CECR2: variants seen among roughly 807,000 people sequenced by gnomAD.
CECR2 encodes the protein chromatin remodeling regulator CECR2.
CECR2 carries 30 observed loss-of-function variants against 154.5 expected under a neutral mutation model. The ratio of observed to expected loss-of-function variants is 0.19; its 90% confidence interval spans 0.15 to 0.26. The LOEUF (loss-of-function observed/expected upper bound fraction) is 0.26, where lower values mean the gene tolerates loss of function less well. Ranked by LOEUF, CECR2 falls within the 10% of genes least tolerant of loss-of-function variation. The pLI is 1.00. For synonymous variants in CECR2, 725 were observed against 683.7 expected, an observed-to-expected ratio of 1.06 and a Z score of -0.94; for missense variants, 1,743 against 1,829.3, an observed-to-expected ratio of 0.95 and a Z score of 0.86.
At chr22:17,543,977 C>A (rs914031188) in intron 16 of CECR2, among the ~76,000 whole-genome samples, 2 of 152,196 alleles carry the variant, frequency 1.3e-5, no homozygotes, top group Admixed American at 1.3e-4. Flanking sequence ...TCTCAGCCAG[C>A]TAGTAAGTAG....
In CECR2 at chr22:17,503,630, T is replaced by C. The variant is rs552501763; in HGVS notation, c.700+499T>C. Reference sequence around the variant, plus strand: ...TCAATATATTTAATCATTTCTAGACTGTGAATATCTATCTTGTTAAATTCA... The same window carrying C: ...TCAATATATTTAATCATTTCTAGACCGTGAATATCTATCTTGTTAAATTCA... On this transcript the variant is annotated intron_variant, in intron 6 of 18. Coordinates refer to ENST00000262608, the MANE Select transcript of CECR2 (RefSeq NM_001290047.2). Among the ~76,000 whole-genome samples the C allele has an allele frequency of 1.4e-4, 21 of 152,364 alleles. No homozygotes were observed. The South Asian group carries it at 3.3e-3, about 24-fold the overall frequency.
chr22:17,418,248 A>C (rs2054184525), intron 1 of CECR2, among the ~76,000 whole-genome samples: 1 of 152,244 alleles, frequency 6.6e-6, no homozygotes, highest in Non-Finnish European at 1.5e-5. Flanking sequence ...CCTGGAAAAT[A>C]AGTGCAATCA....
rs1346213732 is a variant in CECR2, at chr22:17,553,252, T to C, written c.*412T>C. On this transcript the variant is annotated 3_prime_UTR_variant, in exon 19 of 19. Coordinates refer to ENST00000262608, the MANE Select transcript of CECR2 (RefSeq NM_001290047.2). ...GGTATATATTTGGGGAAGGGACTACTCTTAGTATTAATGGTTTTGGAGCTG... is the reference window on the plus strand; with the variant it reads ...GGTATATATTTGGGGAAGGGACTACCCTTAGTATTAATGGTTTTGGAGCTG... 2 of 161,436 alleles carry C rather than the reference T, an allele frequency of 1.2e-5. No individual in the cohort carries two copies. The highest frequency in any genetic ancestry group is 2.4e-5 in the African/African-American group (1 of 41,682). The allele number at this position is 161,436 out of a possible 1,614,324, so 10.0% of individuals were successfully genotyped here.
At chr22:17,535,354 T>C (rs916393785) in intron 9 of CECR2, among the ~76,000 whole-genome samples, 3 of 152,106 alleles carry the variant, frequency 2.0e-5, no homozygotes, top group Admixed American at 2.0e-4. Context: ...TTGGAAATGA[T>C]GGACACCCCT....
At chr22:17,421,885 T>TA (rs1008056680) in intron 1 of CECR2, among the ~76,000 whole-genome samples, 24 of 150,316 alleles carry the variant, frequency 1.6e-4, no homozygotes, top group African/African-American at 5.4e-4. Context: ...TTTTTTTTTT[T>TA]AAATTTCTTA....
At chr22:17,501,257 A>C (rs2055732759) in intron 5 of CECR2, among the ~76,000 whole-genome samples, 1 of 152,158 alleles carries the variant, frequency 6.6e-6, no homozygotes. Flanking sequence ...TACTTAATCT[A>C]AATGCTTGAG....
At chr22:17,475,872 CTT>C (rs1378863980) in intron 1 of CECR2, among the ~76,000 whole-genome samples, 3 of 152,022 alleles carry the variant, frequency 2.0e-5, no homozygotes, top group Admixed American at 2.0e-4. Context: ...GAACCTTCCT[CTT>C]GTGCTGTTGC....
intron 1 of CECR2, among the ~76,000 whole-genome samples, chr22:17,472,066 C>T (rs970895574): frequency 6.6e-6 from 1 of 152,124 alleles, no homozygotes; most frequent in Non-Finnish European, 1.5e-5. Flanking sequence ...GAGCCAGTGA[C>T]ACAGCTGTTT....
chr22:17,505,837 T>C (rs1306502398), intron 7 of CECR2, among the ~76,000 whole-genome samples: 4 of 124,310 alleles, frequency 3.2e-5, no homozygotes, highest in Non-Finnish European at 5.1e-5. Context: ...GCACCCGGCT[T>C]TTTTTTTTTT....
At chr22:17,456,513 G>A (rs769713787) in intron 1 of CECR2, among the ~76,000 whole-genome samples, 5 of 152,160 alleles carry the variant, frequency 3.3e-5, no homozygotes, top group Non-Finnish European at 7.4e-5. Flanking sequence ...AGCCCTTCAA[G>A]TTGGTCACAG....
intron 1 of CECR2, among the ~76,000 whole-genome samples, chr22:17,475,020 C>T (rs1351546767): frequency 2.0e-5 from 3 of 152,036 alleles, no homozygotes; most frequent in African/African-American, 7.2e-5. Context: ...AATCACGATC[C>T]GATTGTGCTC....
chr22:17,438,400 GTAGTT>G (rs1385677963), intron 1 of CECR2, among the ~76,000 whole-genome samples: 22 of 152,310 alleles, frequency 1.4e-4, no homozygotes, highest in African/African-American at 5.1e-4. Context: ...CGACTGACAA[GTAGTT>G]TATAATGAGA....
rs1340192027 is a variant in CECR2, at chr22:17,477,532, G to A, written c.127-56G>A. 7 of 1,153,350 alleles carry A rather than the reference G, an allele frequency of 6.1e-6. No homozygotes were observed. The East Asian group carries it at 7.0e-5, about 12-fold the overall frequency. The allele number at this position is 1,153,350 out of a possible 1,614,324, so 71.4% of individuals were successfully genotyped here. A position where few individuals can be genotyped will look rare whatever the true frequency, so the allele number is the denominator to read the frequency against. On this transcript the variant is annotated intron_variant, in intron 1 of 18. Transcript: ENST00000262608. ...GCTTGTGCTGGCGGTAGGAAGGGGT[G>A]TGTATTTTAAGAAATCTCTGTTTGA... is the stretch of plus-strand genomic sequence containing the variant.
chr22:17,397,396 G>A (rs1345474622), intron 1 of CECR2, among the ~76,000 whole-genome samples: 1 of 151,566 alleles, frequency 6.6e-6, no homozygotes, highest in Non-Finnish European at 1.5e-5. Flanking sequence ...CCTCCCAAAG[G>A]GCTGGGATTA....
intron 1 of CECR2, among the ~76,000 whole-genome samples, chr22:17,389,307 A>G (rs1166221279): frequency 6.6e-6 from 1 of 152,170 alleles, no homozygotes; most frequent in Non-Finnish European, 1.5e-5. Flanking sequence ...CATAAAAGTT[A>G]CATGAATTTT....
At chr22:17,369,287 G>T (rs1385197608), upstream of CECR2, 1 of 151,026 alleles carries the variant, frequency 6.6e-6, no homozygotes, top group Non-Finnish European at 1.5e-5. Context: ...TGGGTCCTGC[G>T]GATCTGGGCC....
intron 1 of CECR2, among the ~76,000 whole-genome samples, chr22:17,391,252 A>G (rs1183126607): frequency 6.6e-6 from 1 of 152,228 alleles, no homozygotes; most frequent in Non-Finnish European, 1.5e-5. Context: ...TCTTTTATAG[A>G]TGTACCACAC....
chr22:17,460,512 G>A (rs1349329841), intron 1 of CECR2, among the ~76,000 whole-genome samples: 7 of 152,276 alleles, frequency 4.6e-5, no homozygotes, highest in East Asian at 3.9e-4. Flanking sequence ...GCCCAGCCTC[G>A]ATTTGGATTC....
intron 7 of CECR2, among the ~76,000 whole-genome samples, chr22:17,511,075 G>A (rs1472556131): frequency 6.6e-6 from 1 of 152,162 alleles, no homozygotes; most frequent in Non-Finnish European, 1.5e-5. Context: ...GATTTTTGAT[G>A]CGGAAGTCAC....
Sources: gnomAD v4.1 joint callset for allele counts (sites outside exome capture counted in the v4.1 genomes callset) on GRCh38, gnomAD v4.1.1 for gene constraint, MANE v1.5 for transcripts, NCBI Gene and HGNC (gene_info 2026-07-23, HGNC 2026-07-21) for gene names.